The following MAP2 variants were observed in gnomAD, a reference collection of about 807,000 sequenced individuals.
MAP2 encodes microtubule-associated protein 2.
Under a neutral mutation model 137.6 loss-of-function variants are expected in MAP2, and 14 were observed. That is an observed-to-expected ratio of 0.10 (90% CI 0.07 to 0.16). MAP2 has a LOEUF of 0.16. Among genes scored for constraint, MAP2 ranks in the 10% least tolerant of loss-of-function variants. The pLI is 1.00. For missense variants in MAP2, 2,088 were observed against 2,191.5 expected, an observed-to-expected ratio of 0.95 and a Z score of 0.94; for synonymous variants, 786 against 782.3, an observed-to-expected ratio of 1.00 and a Z score of -0.08.
rs1010599722 is a variant in MAP2, at chr2:209,733,049, A to T, written c.*2652A>T. 6.6e-6 allele frequency: 1 copy of T among 152,624 alleles called. No individual in the cohort carries two copies. The highest frequency in any genetic ancestry group is 1.5e-5 in the Non-Finnish European group (1 of 68,048). The allele number at this position is 152,624 out of a possible 1,614,324, so 9.5% of individuals were successfully genotyped here. ...GAGCACCACTCTTGTGGGGACACAC[A>T]TACGCTGATCTAGGAATGAAATCTT... On this transcript the variant is annotated 3_prime_UTR_variant, in exon 16 of 16. Coordinates refer to ENST00000682079, the MANE Select transcript of MAP2 (RefSeq NM_001375505.1).
chr2:209,702,562 T>C (rs1297408138), intron 11 of MAP2, among the ~76,000 whole-genome samples: 1 of 152,042 alleles, frequency 6.6e-6, no homozygotes, highest in Non-Finnish European at 1.5e-5. Context: ...CCTGTGATGA[T>C]TTTTTAAATT....
intron 1 of MAP2, among the ~76,000 whole-genome samples, chr2:209,427,019 A>G (rs1395135927): frequency 6.6e-6 from 1 of 152,214 alleles, no homozygotes; most frequent in African/African-American, 2.4e-5. Flanking sequence ...ATGTAGTTGC[A>G]CTGTTGGCAT....
chr2:209,700,527 T>C (rs750555903), intron 11 of MAP2, among the ~76,000 whole-genome samples, 189 bp downstream of exon 11: 3 of 152,170 alleles, frequency 2.0e-5, no homozygotes, highest in Non-Finnish European at 4.4e-5. Flanking sequence ...TGGCGTATGA[T>C]GGTAATTGGT....
intron 13 of MAP2, 63 bp downstream of exon 13, chr2:209,710,317 T>G (rs2064995074): frequency 7.4e-7 from 1 of 1,347,092 alleles, no homozygotes; most frequent in African/African-American, 1.5e-5. Context: ...TTCTTCATAT[T>G]GAAAACTAAC....
chr2:209,456,374 G>A (rs1701540153), intron 1 of MAP2, among the ~76,000 whole-genome samples: 1 of 152,166 alleles, frequency 6.6e-6, no homozygotes, highest in Admixed American at 6.5e-5. Flanking sequence ...GAATGAAGGA[G>A]CCAGTTTAAG....
At chr2:209,701,252 T>C (rs1316799215) in intron 11 of MAP2, among the ~76,000 whole-genome samples, 1 of 152,002 alleles carries the variant, frequency 6.6e-6, no homozygotes, top group Non-Finnish European at 1.5e-5. Flanking sequence ...GTTGTATATT[T>C]GCCAAATTAT....
At chr2:209,595,787 G>T (rs1486602835) in intron 3 of MAP2, among the ~76,000 whole-genome samples, 1 of 152,178 alleles carries the variant, frequency 6.6e-6, no homozygotes, top group African/African-American at 2.4e-5. Context: ...AAAAAAGGAT[G>T]AGTTCATGTC....
Position 209,582,235 on chromosome 2 carries a change from A to AT in MAP2, c.-107+2145dup, listed in dbSNP as rs199995764. ...TACACTGTGAAACAGACATCTGGTC[A>AT]TTTTTTTTTTAGTTACCCAAAATAT... On this transcript the variant is annotated intron_variant, in intron 3 of 15. Coordinates refer to ENST00000682079, the MANE Select transcript of MAP2 (RefSeq NM_001375505.1). 8.7e-4 allele frequency among the ~76,000 whole-genome samples: 130 copies of AT among 149,102 alleles called. 3 individuals carry two copies. The East Asian group carries it at 0.017, about 19-fold the overall frequency.
intron 2 of MAP2, among the ~76,000 whole-genome samples, chr2:209,513,780 C>T (rs1222075919): frequency 1.3e-5 from 2 of 152,016 alleles, no homozygotes; most frequent in South Asian, 2.1e-4. Flanking sequence ...TCTGGAAGCA[C>T]GTATCCCCAA....
intron 1 of MAP2, among the ~76,000 whole-genome samples, chr2:209,432,541 T>C (rs917074270): frequency 1.2e-4 from 18 of 152,194 alleles, no homozygotes; most frequent in Admixed American, 1.0e-3. Flanking sequence ...AGGAGAAACA[T>C]ATTCCTGGTC....
chr2:209,578,924 T>C (rs1385968172), intron 2 of MAP2, among the ~76,000 whole-genome samples: 2 of 150,852 alleles, frequency 1.3e-5, no homozygotes, highest in Non-Finnish European at 2.9e-5. Flanking sequence ...GTTTTCTAAT[T>C]CTCTGTTTTT....
intron 11 of MAP2, chr2:209,704,423 C>A (rs1361673507): frequency 6.3e-7 from 1 of 1,578,534 alleles, no homozygotes; most frequent in South Asian, 1.2e-5. Context: ...TTATTTTGTG[C>A]TTTTGTTTGT....
intron 3 of MAP2, among the ~76,000 whole-genome samples, chr2:209,581,550 T>C (rs1317079885): frequency 6.6e-6 from 1 of 152,198 alleles, no homozygotes; most frequent in Non-Finnish European, 1.5e-5. Context: ...TCTCTCTTTT[T>C]AGATTTCACT....
At chr2:209,610,450 T>C (rs1184038680) in intron 3 of MAP2, among the ~76,000 whole-genome samples, 1 of 152,062 alleles carries the variant, frequency 6.6e-6, no homozygotes, top group Non-Finnish European at 1.5e-5. Context: ...TTTTTACTTT[T>C]TTTTTTTTCT....
At chr2:209,437,432 C>T (rs1696609916) in intron 1 of MAP2, among the ~76,000 whole-genome samples, 1 of 151,594 alleles carries the variant, frequency 6.6e-6, no homozygotes, top group South Asian at 2.1e-4. Context: ...AAATCTGGGA[C>T]TTATAGTATA....
intron 2 of MAP2, among the ~76,000 whole-genome samples, chr2:209,545,275 C>A (rs1342467952): frequency 6.6e-6 from 1 of 152,110 alleles, no homozygotes; most frequent in Non-Finnish European, 1.5e-5. Context: ...AGATTTTGCC[C>A]TATAGTATCC....
At chr2:209,686,181 A>G (rs1017719525) in intron 7 of MAP2, among the ~76,000 whole-genome samples, 5 of 152,200 alleles carry the variant, frequency 3.3e-5, no homozygotes, top group African/African-American at 9.7e-5. Context: ...TGCCGAGTTG[A>G]ACTAAGAATA....
At chr2:209,581,617 C>G (rs1215899078) in intron 3 of MAP2, among the ~76,000 whole-genome samples, 1 of 152,014 alleles carries the variant, frequency 6.6e-6, no homozygotes, top group Non-Finnish European at 1.5e-5. Context: ...GGTATTTGCC[C>G]ATCTGATTAA....
intron 3 of MAP2, among the ~76,000 whole-genome samples, chr2:209,582,270 G>A (rs1354756449): frequency 1.3e-5 from 2 of 151,384 alleles, no homozygotes; most frequent in African/African-American, 2.4e-5. Context: ...TTCATTACAT[G>A]TTTCTAATAA....
Sources: allele counts gnomAD v4.1 joint callset (sites outside exome capture counted in the v4.1 genomes callset), GRCh38; gene constraint gnomAD v4.1.1; transcripts MANE v1.5; gene names NCBI Gene and HGNC (gene_info 2026-07-23, HGNC 2026-07-21).